SLC71A1: variants seen among roughly 807,000 people sequenced by gnomAD.
SLC71A1 encodes hippocampus abundant gene transcript 1.
chr1:100,046,265 C>T, the SLC71A1 span, among the ~76,000 whole-genome samples: 5 of 109,810 alleles, frequency 4.6e-5, no homozygotes, highest in East Asian at 3.2e-4. Flanking sequence ...CTAGCTCTGT[C>T]GCCTAGGCTG....
At chr1:100,068,133 G>C in the SLC71A1 span, 2 of 1,614,198 alleles carry the variant, frequency 1.2e-6, no homozygotes, top group Non-Finnish European at 1.7e-6. Flanking sequence ...GTCGTTGCCT[G>C]AGAAAATGCG....
the SLC71A1 span, chr1:100,082,089 T>C: frequency 6.2e-7 from 1 of 1,614,112 alleles, no homozygotes; most frequent in South Asian, 1.1e-5. Context: ...TTCCGGAACA[T>C]ACCAATTTAA....
At chr1:100,078,470 G>A in the SLC71A1 span, 1 of 1,612,500 alleles carries the variant, frequency 6.2e-7, no homozygotes, top group East Asian at 2.2e-5. Context: ...GGCTGCTGGG[G>A]CAGTAGCAGC....
chr1:100,052,235 G>T, the SLC71A1 span, among the ~76,000 whole-genome samples: 1 of 152,082 alleles, frequency 6.6e-6, no homozygotes, highest in South Asian at 2.1e-4. Context: ...TTTCAAGTGT[G>T]TATAGCTATT....
chr1:100,071,359 T>C, the SLC71A1 span, among the ~76,000 whole-genome samples: 1 of 145,112 alleles, frequency 6.9e-6, no homozygotes, highest in East Asian at 2.2e-4. Flanking sequence ...TAGTCCCAGC[T>C]ACTCAGGAAG....
At chr1:100,078,563 A>G in the SLC71A1 span, 1 of 1,539,188 alleles carries the variant, frequency 6.5e-7, no homozygotes, top group Non-Finnish European at 9.0e-7. Flanking sequence ...GTTGATAGGA[A>G]CTAGCGATAA....
the SLC71A1 span, among the ~76,000 whole-genome samples, chr1:100,051,886 G>C: frequency 2.6e-5 from 4 of 152,130 alleles, no homozygotes; most frequent in African/African-American, 9.7e-5. Flanking sequence ...ATTCCACTTT[G>C]AATACATTAT....
At chr1:100,038,164 C>A in the SLC71A1 span, 1 of 1,362,924 alleles carries the variant, frequency 7.3e-7, no homozygotes, top group Non-Finnish European at 1.0e-6. Flanking sequence ...AGTGGTGGGA[C>A]GGCACTAGCT....
the SLC71A1 span, among the ~76,000 whole-genome samples, chr1:100,067,044 C>T: frequency 1.5e-4 from 23 of 150,802 alleles, no homozygotes; most frequent in South Asian, 2.1e-3. Flanking sequence ...TGCTGTGTTG[C>T]CCAGGCTGGT....
chr1:100,065,623 C>T, the SLC71A1 span, among the ~76,000 whole-genome samples: 6 of 149,222 alleles, frequency 4.0e-5, no homozygotes, highest in Non-Finnish European at 5.9e-5. Flanking sequence ...CTTTCCCCTC[C>T]CCTTTTCCCT....
the SLC71A1 span, among the ~76,000 whole-genome samples, chr1:100,053,897 A>T: frequency 6.6e-6 from 1 of 152,196 alleles, no homozygotes; most frequent in Non-Finnish European, 1.5e-5. Context: ...TTATGAATAT[A>T]TGGTTGGTCA....
chr1:100,080,261 A>G, the SLC71A1 span: 7 of 344,164 alleles, frequency 2.0e-5, no homozygotes, highest in African/African-American at 1.0e-4. Flanking sequence ...ACTTGTTTCT[A>G]TGTGAGACCT....
chr1:100,044,783 G>T, the SLC71A1 span, among the ~76,000 whole-genome samples: 1 of 152,148 alleles, frequency 6.6e-6, no homozygotes, highest in East Asian at 1.9e-4. Context: ...CTCCCAAGAT[G>T]CTGGGATTAC....
At chr1:100,049,939 C>A in the SLC71A1 span, 1 of 1,609,578 alleles carries the variant, frequency 6.2e-7, no homozygotes, top group Non-Finnish European at 8.5e-7. Context: ...TAGTGTCTAT[C>A]ATGCAGTTAT....
the SLC71A1 span, among the ~76,000 whole-genome samples, chr1:100,043,783 C>T: frequency 6.6e-6 from 1 of 152,244 alleles, no homozygotes; most frequent in African/African-American, 2.4e-5. Flanking sequence ...GCTGAACTCT[C>T]ACTTGTAAGT....
the SLC71A1 span, among the ~76,000 whole-genome samples, chr1:100,061,119 C>T: frequency 6.6e-6 from 1 of 151,982 alleles, no homozygotes; most frequent in Non-Finnish European, 1.5e-5. Context: ...TAGTGATAGT[C>T]TTGGTGGAAT....
the SLC71A1 span, among the ~76,000 whole-genome samples, chr1:100,059,144 G>GTGTTTTTTTTTTT: frequency 5.3e-4 from 40 of 75,424 alleles, 2 homozygotes; most frequent in African/African-American, 1.2e-3. Context: ...TCTTTTTCGT[G>GTGTTTTTTTTTTT]TTTTTTTTTT....
At chr1:100,063,233 G>T in the SLC71A1 span, among the ~76,000 whole-genome samples, 2 of 151,924 alleles carry the variant, frequency 1.3e-5, no homozygotes, top group Non-Finnish European at 2.9e-5. Context: ...TTTTCAATCT[G>T]GAGGTTCTGT....
chr1:100,078,015 G>A, the SLC71A1 span, among the ~76,000 whole-genome samples: 1 of 152,166 alleles, frequency 6.6e-6, no homozygotes, highest in East Asian at 1.9e-4. Flanking sequence ...GAACATCCAA[G>A]TTACTTGTTC....
Sources: allele counts gnomAD v4.1 joint callset (sites outside exome capture counted in the v4.1 genomes callset), GRCh38; gene constraint gnomAD v4.1.1; transcripts MANE v1.5; gene names NCBI Gene and HGNC (gene_info 2026-07-23, HGNC 2026-07-21).